The following ADRA1B variants were observed in gnomAD, a reference collection of about 807,000 sequenced individuals.
ADRA1B encodes adrenoceptor alpha 1B.
A neutral mutation model predicts 17.9 loss-of-function variants in ADRA1B; 17 were observed. The observed-to-expected ratio is 0.95, with a 90% CI of 0.65 to 1.42. The LOEUF (loss-of-function observed/expected upper bound fraction) is 1.42. Ranked by LOEUF, ADRA1B falls within the 40% of genes most tolerant of loss-of-function variation. ADRA1B has a pLI of 0.00. For synonymous variants in ADRA1B, 366 were observed against 327.6 expected (o/e 1.12, Z -1.27); for missense variants, 681 against 722.1 (o/e 0.94, Z 0.65).
chr5:159,912,795 T>C (rs1485562821), upstream of ADRA1B, among the ~76,000 whole-genome samples: 2 of 152,202 alleles, frequency 1.3e-5, no homozygotes, highest in South Asian at 4.1e-4. Flanking sequence ...TAAATGCACA[T>C]AGATTGCCTA....
At chr5:159,982,953 T>G in the ADRA1B span, among the ~76,000 whole-genome samples, 1 of 152,246 alleles carries the variant, frequency 6.6e-6, no homozygotes, top group Non-Finnish European at 1.5e-5. Flanking sequence ...TAAGATGCTC[T>G]GAACGTGCGT....
At chr5:159,951,425 G>C (rs72810111) in intron 1 of ADRA1B, 207,424 of 776,122 alleles carry the variant, frequency 0.27, 29,557 homozygotes, top group Non-Finnish European at 0.3. Flanking sequence ...CACTTTACTA[G>C]AGTTAAAAGC....
intron 1 of ADRA1B, among the ~76,000 whole-genome samples, chr5:159,907,546 C>A (rs1581026538): frequency 6.6e-6 from 1 of 151,968 alleles, no homozygotes; most frequent in Non-Finnish European, 1.5e-5. Flanking sequence ...GCAAGTAAAG[C>A]TCTGTAAGGA....
the ADRA1B span, among the ~76,000 whole-genome samples, chr5:159,980,945 A>G: frequency 8.9e-4 from 134 of 150,634 alleles, 1 homozygote; most frequent in African/African-American, 3.2e-3. Context: ...AAAAAAAACC[A>G]GAAGAAAACA....
intron 1 of ADRA1B, among the ~76,000 whole-genome samples, chr5:159,883,720 C>A (rs940484774): frequency 1.3e-5 from 2 of 152,176 alleles, no homozygotes; most frequent in Non-Finnish European, 2.9e-5. Flanking sequence ...CCTGATGATG[C>A]AAATGGAATT....
At chr5:159,868,633 C>T (rs1753695511) in intron 1 of ADRA1B, 1 of 152,198 alleles carries the variant, frequency 6.6e-6, no homozygotes, top group African/African-American at 2.4e-5. Flanking sequence ...AAAACTCTAC[C>T]TGATCCCTAT....
At chr5:159,935,774 T>C (rs1754939542) in intron 1 of ADRA1B, among the ~76,000 whole-genome samples, 2 of 152,356 alleles carry the variant, frequency 1.3e-5, no homozygotes, top group South Asian at 2.1e-4. Flanking sequence ...CTCCAACTCC[T>C]GATCTCAAGT....
At chr5:159,954,111 G>A (rs1247369654) in intron 1 of ADRA1B, among the ~76,000 whole-genome samples, 1 of 152,160 alleles carries the variant, frequency 6.6e-6, no homozygotes, top group African/African-American at 2.4e-5. Context: ...ACAGAGATGG[G>A]AATGGACAAG....
chr5:159,901,149 T>C (rs961104813), intron 1 of ADRA1B, among the ~76,000 whole-genome samples: 3 of 151,704 alleles, frequency 2.0e-5, no homozygotes, highest in African/African-American at 7.3e-5. Context: ...CTTATAATTA[T>C]TTATTATGTA....
chr5:159,964,061 A>G (rs1752331759), intron 1 of ADRA1B, among the ~76,000 whole-genome samples: 1 of 152,246 alleles, frequency 6.6e-6, no homozygotes, highest in African/African-American at 2.4e-5. Context: ...ACATAGCAGG[A>G]GAAATTCACT....
intron 1 of ADRA1B, among the ~76,000 whole-genome samples, chr5:159,873,581 A>G (rs565565827): frequency 1.2e-4 from 18 of 152,184 alleles, no homozygotes; most frequent in African/African-American, 1.9e-4. Context: ...CCCTTCCCCA[A>G]GTGCCGATCC....
chr5:159,869,944 A>C (rs1753714040), intron 1 of ADRA1B: 1 of 152,220 alleles, frequency 6.6e-6, no homozygotes, highest in Admixed American at 6.5e-5. Context: ...TATTGCAGCC[A>C]ATGGCAGGCA....
At chr5:159,951,762 G>A (rs754356378) in intron 1 of ADRA1B, among the ~76,000 whole-genome samples, 26 of 152,146 alleles carry the variant, frequency 1.7e-4, no homozygotes, top group Non-Finnish European at 3.1e-4. Context: ...AGAGTGGTGA[G>A]GGGAACAAGG....
At chr5:159,945,276 C>T (rs535848031) in intron 1 of ADRA1B, among the ~76,000 whole-genome samples, 28 of 152,100 alleles carry the variant, frequency 1.8e-4, no homozygotes, top group Middle Eastern at 6.8e-3. Flanking sequence ...TGCTTCAACC[C>T]GGGAGGTGGA....
At chr5:159,951,156 C>A in intron 1 of ADRA1B, 1 of 749,670 alleles carries the variant, frequency 1.3e-6, no homozygotes, top group Non-Finnish European at 2.4e-6. Flanking sequence ...ACCCTTGTAG[C>A]TCCTCCCTGC....
At position 159,945,748 on chromosome 5, in the gene ADRA1B, G is replaced by GT. The variant is rs1554091428; in HGVS notation, c.950-26128dup. On this transcript the variant is annotated intron_variant, in intron 1 of 1. Transcript: ENST00000306675. ...CGATTTCTGGTGGGTTTTTTTGTTT[G>GT]TTTGTTTTTTTTTTTTTGAGACGGA... is the stretch of plus-strand genomic sequence containing the variant. Among the ~76,000 whole-genome samples, 5 of 112,374 alleles carry GT rather than the reference G, an allele frequency of 4.4e-5. 1 individual carries two copies. Among genetic ancestry groups the GT allele is most frequent in the Non-Finnish European group, 1.1e-4 (5 of 44,310 alleles). The allele number at this position is 112,374 out of a possible 152,430, so 73.7% of individuals were successfully genotyped here.
intron 1 of ADRA1B, among the ~76,000 whole-genome samples, chr5:159,965,773 G>A (rs903442338): frequency 1.3e-5 from 2 of 152,166 alleles, no homozygotes; most frequent in African/African-American, 4.8e-5. Flanking sequence ...AGGGAAGCAG[G>A]CACGCCCCAG....
intron 1 of ADRA1B, among the ~76,000 whole-genome samples, chr5:159,969,009 C>T (rs929840455): frequency 1.3e-5 from 2 of 152,234 alleles, no homozygotes; most frequent in African/African-American, 4.8e-5. Context: ...ATACTAGGTG[C>T]TCATACACCA....
chr5:159,928,354 G>A (rs975816795), intron 1 of ADRA1B, among the ~76,000 whole-genome samples: 5 of 152,150 alleles, frequency 3.3e-5, no homozygotes, highest in East Asian at 1.9e-4. Flanking sequence ...CTGCTCTTAC[G>A]ACTCTATTGA....
Sources: gnomAD v4.1 joint callset for allele counts (sites outside exome capture counted in the v4.1 genomes callset) on GRCh38, gnomAD v4.1.1 for gene constraint, MANE v1.5 for transcripts, NCBI Gene and HGNC (gene_info 2026-07-23, HGNC 2026-07-21) for gene names.